Variants in KIAA1958 observed in about 807,000 individuals in gnomAD.
KIAA1958 encodes the protein uncharacterized protein KIAA1958.
KIAA1958 carries 14 observed loss-of-function variants against 47.2 expected under a neutral mutation model. The observed-to-expected ratio is 0.30, with a 90% CI of 0.20 to 0.46. The LOEUF (loss-of-function observed/expected upper bound fraction) is 0.46. Among genes scored for constraint, KIAA1958 ranks in the 20% least tolerant of loss-of-function variants. The pLI is 1.00. For synonymous variants in KIAA1958, 354 were observed against 353.3 expected (o/e 1.00, Z -0.02); for missense variants, 803 against 909.2 (o/e 0.88, Z 1.50).
rs556079631 is a variant in KIAA1958, at chr9:112,571,415, A to G, written c.-24-2642A>G. Among the ~76,000 whole-genome samples the G allele has an allele frequency of 2.6e-5, 4 of 152,306 alleles. No homozygotes were observed. The South Asian group carries it at 6.2e-4, about 24-fold the overall frequency. On this transcript the variant is annotated intron_variant, in intron 1 of 3. Transcript: ENST00000337530. ...ATCTTTCGGGATTTCAACATTTGGA[A>G]CTATGGCGTTCAGAATTTTGTCTTT...
At chr9:112,608,939 A>G (rs1436135917) in intron 2 of KIAA1958, among the ~76,000 whole-genome samples, 1 of 152,240 alleles carries the variant, frequency 6.6e-6, no homozygotes, top group Non-Finnish European at 1.5e-5. Context: ...TGATAACACT[A>G]GAAAAATTTA....
intron 2 of KIAA1958, among the ~76,000 whole-genome samples, chr9:112,597,559 G>A (rs1836053250): frequency 2.0e-5 from 3 of 152,120 alleles, no homozygotes; most frequent in Admixed American, 2.0e-4. Flanking sequence ...AACTTTCCCT[G>A]AGTTTGCTTT....
At chr9:112,490,582 G>GTTTGGTAAATAA (rs1181661123) in intron 1 of KIAA1958, among the ~76,000 whole-genome samples, 14 of 152,194 alleles carry the variant, frequency 9.2e-5, no homozygotes. Context: ...TGTAAATTCT[G>GTTTGGTAAATAA]TTGTTTGGTA....
intron 1 of KIAA1958, among the ~76,000 whole-genome samples, chr9:112,508,904 C>G (rs1417655365): frequency 6.6e-6 from 1 of 151,998 alleles, no homozygotes; most frequent in African/African-American, 2.4e-5. Context: ...AGGCCATTCA[C>G]TAATATAGTA....
At chr9:112,567,870 A>G (rs1835452106) in intron 1 of KIAA1958, among the ~76,000 whole-genome samples, 2 of 148,958 alleles carry the variant, frequency 1.3e-5, no homozygotes, top group Non-Finnish European at 3.0e-5. Context: ...AGGCAGGAGA[A>G]TGGCGTGAAT....
rs190809709 is a variant in KIAA1958 at position 112,651,459 on chromosome 9, A to G, written c.1344+5637A>G. 7.9e-5 allele frequency among the ~76,000 whole-genome samples: 12 copies of G among 151,108 alleles called. No individual in the cohort carries two copies. In the East Asian group the frequency reaches 2.3e-3, roughly 29 times the overall value. On this transcript the variant is annotated intron_variant, in intron 3 of 3. Coordinates refer to ENST00000337530, the MANE Select transcript of KIAA1958 (RefSeq NM_133465.4). Reference sequence around the variant, plus strand: ...CCCCAGGCTGGAGTGCAGTGGCACAATCTCAGCTCACTGCAACCTGTGCCT... The same window carrying G: ...CCCCAGGCTGGAGTGCAGTGGCACAGTCTCAGCTCACTGCAACCTGTGCCT...
chr9:112,640,462 G>A (rs543656281), intron 2 of KIAA1958, among the ~76,000 whole-genome samples: 6 of 152,214 alleles, frequency 3.9e-5, no homozygotes, highest in African/African-American at 1.2e-4. Context: ...AAAATTATAT[G>A]CAGAGTGTTG....
rs774467818 is a variant in KIAA1958, at chr9:112,618,161, G to A, written c.1172-27489G>A. The stretch of plus-strand genomic sequence containing the variant: ...CAGGTATGGCTATAGCATCACCAGG[G>A]ATAAGGAATTCAAGCGTTCCCAAGA... On this transcript the variant is annotated intron_variant, in intron 2 of 3. Transcript: ENST00000337530. This position sits in a 1 kb window ranked among gnomAD's most constrained non-coding sequence, Gnocchi z 7.1. 2.6e-6 allele frequency: 4 copies of A among 1,550,584 alleles called. No individual in the cohort carries two copies. Among genetic ancestry groups the A allele is most frequent in the South Asian group, 1.2e-5 (1 of 84,058 alleles).
intron 1 of KIAA1958, among the ~76,000 whole-genome samples, chr9:112,554,635 A>G (rs1031768069): frequency 1.3e-5 from 2 of 152,212 alleles, no homozygotes; most frequent in African/African-American, 4.8e-5. Flanking sequence ...TATTGGCTAC[A>G]AACACTAGAT....
intron 1 of KIAA1958, among the ~76,000 whole-genome samples, chr9:112,523,359 A>G (rs1327532349): frequency 6.6e-6 from 1 of 152,140 alleles, no homozygotes; most frequent in Non-Finnish European, 1.5e-5. Context: ...GCTGAGGTGA[A>G]AGGATTGCTT....
intron 2 of KIAA1958, among the ~76,000 whole-genome samples, chr9:112,582,741 C>CA (rs1280501789): frequency 1.3e-5 from 2 of 148,196 alleles, no homozygotes; most frequent in Non-Finnish European, 1.5e-5. Context: ...AAAAAACAGA[C>CA]AAAAAAACCG....
At chr9:112,590,065 A>G (rs530791985) in intron 2 of KIAA1958, among the ~76,000 whole-genome samples, 104 of 152,258 alleles carry the variant, frequency 6.8e-4, no homozygotes, top group Middle Eastern at 6.8e-3. Context: ...GCATAGTGTG[A>G]TGTGGTCCCT....
intron 2 of KIAA1958, among the ~76,000 whole-genome samples, chr9:112,587,855 C>T (rs1251105085): frequency 6.6e-6 from 1 of 152,176 alleles, no homozygotes; most frequent in African/African-American, 2.4e-5. Flanking sequence ...TGAACAAATG[C>T]ATATACCTCT....
At chr9:112,568,236 G>A (rs558420378) in intron 1 of KIAA1958, among the ~76,000 whole-genome samples, 1 of 152,232 alleles carries the variant, frequency 6.6e-6, no homozygotes, top group South Asian at 2.1e-4. Context: ...TACAACTGAG[G>A]TCATCTGAAA....
chr9:112,567,144 T>C (rs952200542), intron 1 of KIAA1958, among the ~76,000 whole-genome samples: 1 of 152,232 alleles, frequency 6.6e-6, no homozygotes, highest in East Asian at 1.9e-4. Flanking sequence ...CAGGGAGGAA[T>C]GTATTATTTT....
At chr9:112,600,901 C>T (rs1030102947) in intron 2 of KIAA1958, among the ~76,000 whole-genome samples, 1 of 152,186 alleles carries the variant, frequency 6.6e-6, no homozygotes, top group Non-Finnish European at 1.5e-5. Flanking sequence ...TGTATTTGAT[C>T]TTCATACAAC....
intron 2 of KIAA1958, among the ~76,000 whole-genome samples, chr9:112,616,428 ATAAAAT>A (rs1484894360): frequency 6.6e-6 from 1 of 152,246 alleles, no homozygotes; most frequent in Non-Finnish European, 1.5e-5. Flanking sequence ...TAGTATGTAA[ATAAAAT>A]TCAGTTTATT....
At chr9:112,520,480 A>G (rs1357857974) in intron 1 of KIAA1958, among the ~76,000 whole-genome samples, 1 of 152,234 alleles carries the variant, frequency 6.6e-6, no homozygotes, top group East Asian at 1.9e-4. Flanking sequence ...CTTTCACAGT[A>G]AGAGCTGTGG....
At position 112,580,418 on chromosome 9, in the gene KIAA1958, G is replaced by GTA. The variant is rs200733084; in HGVS notation, c.1171+5178_1171+5179dup. On this transcript the variant is annotated intron_variant, in intron 2 of 3. Transcript: ENST00000337530. ...TGCTTGTGTATACATACATATATAT[G>GTA]TATATATATATACATAGACACATAT... Among the ~76,000 whole-genome samples, 1,132 of 151,652 alleles carry GTA rather than the reference G, an allele frequency of 7.5e-3. 10 individuals carry two copies. Among genetic ancestry groups the GTA allele is most frequent in the African/African-American group, 0.025 (1,048 of 41,316 alleles).
Sources: allele counts gnomAD v4.1 joint callset (sites outside exome capture counted in the v4.1 genomes callset), GRCh38; gene constraint gnomAD v4.1.1; non-coding constraint Gnocchi (gnomAD v3.1); transcripts MANE v1.5; gene names NCBI Gene and HGNC (gene_info 2026-07-23, HGNC 2026-07-21).